The following DNAH7 variants were observed in gnomAD, a reference collection of about 807,000 sequenced individuals.
The protein encoded by DNAH7 is axonemal beta dynein heavy chain 7.
In DNAH7, 397 loss-of-function variants were observed where a neutral mutation model predicts 444.6. The ratio of observed to expected loss-of-function variants is 0.89; its 90% CI spans 0.82 to 0.97. DNAH7 has a LOEUF of 0.97. Among genes scored for constraint, DNAH7 ranks in the 50% least tolerant of loss-of-function variants. DNAH7 has a pLI of 0.00. For missense variants in DNAH7, 4,902 were observed against 4,800.8 expected, an observed-to-expected ratio of 1.02 and a Z score of -0.62; for synonymous variants, 1,636 against 1,624.4, an observed-to-expected ratio of 1.01 and a Z score of -0.17.
chr2:195,885,436 C>T (rs1230734118), intron 34 of DNAH7, among the ~76,000 whole-genome samples: 2 of 152,170 alleles, frequency 1.3e-5, no homozygotes. Flanking sequence ...GGACTATGCT[C>T]ATAAAAGTTC....
intron 47 of DNAH7, among the ~76,000 whole-genome samples, chr2:195,834,766 C>G (rs1270669014): frequency 6.6e-6 from 1 of 152,196 alleles, no homozygotes; most frequent in Non-Finnish European, 1.5e-5. Flanking sequence ...AGTCACTTTG[C>G]TTCCTTAGTT....
At chr2:195,751,948 G>A (rs1178015724) in intron 63 of DNAH7, among the ~76,000 whole-genome samples, 1 of 152,124 alleles carries the variant, frequency 6.6e-6, no homozygotes, top group Non-Finnish European at 1.5e-5. Flanking sequence ...AGGGAGACAG[G>A]ATAAAGGCTA....
intron 63 of DNAH7, among the ~76,000 whole-genome samples, chr2:195,741,316 G>A (rs842733): frequency 0.99 from 150,539 of 152,336 alleles, 74,412 homozygotes; most frequent in East Asian, 1. Context: ...TGTCGTAAGA[G>A]TTAAATTGCT....
chr2:196,022,741 A>G (rs892291282), intron 8 of DNAH7, among the ~76,000 whole-genome samples: 1 of 152,152 alleles, frequency 6.6e-6, no homozygotes, highest in Non-Finnish European at 1.5e-5. Flanking sequence ...GCTCATGTTG[A>G]TATTTTTACC....
chr2:195,976,784 A>AGG (rs1553594003), intron 15 of DNAH7, among the ~76,000 whole-genome samples: 1 of 146,028 alleles, frequency 6.8e-6, no homozygotes, highest in Non-Finnish European at 1.5e-5. Context: ...AGAGAGAGAG[A>AGG]GAGACTCTCT....
At chr2:195,971,890 T>C (rs10198514) in intron 16 of DNAH7, among the ~76,000 whole-genome samples, 5,321 of 152,192 alleles carry the variant, frequency 0.035, 308 homozygotes, top group African/African-American at 0.12. Flanking sequence ...AGCTTTGATA[T>C]TCAAACAAGT....
chr2:196,031,957 C>T (rs758263205), intron 5 of DNAH7, among the ~76,000 whole-genome samples: 19 of 152,178 alleles, frequency 1.2e-4, no homozygotes, highest in Non-Finnish European at 2.6e-4. Flanking sequence ...TCAGCAACAC[C>T]CCACTATACT....
chr2:195,810,797 G>C (rs1439483747), intron 51 of DNAH7, among the ~76,000 whole-genome samples: 1 of 152,160 alleles, frequency 6.6e-6, no homozygotes, highest in Non-Finnish European at 1.5e-5. Flanking sequence ...CTAAAATACA[G>C]TTGAATTCTT....
At chr2:195,852,413 G>A (rs1382506178) in intron 46 of DNAH7, among the ~76,000 whole-genome samples, 1 of 152,112 alleles carries the variant, frequency 6.6e-6, no homozygotes, top group African/African-American at 2.4e-5. Context: ...GATGTAACAT[G>A]TACTCTTTCT....
intron 36 of DNAH7, among the ~76,000 whole-genome samples, chr2:195,881,181 A>G (rs545440036): frequency 5.5e-4 from 84 of 152,312 alleles, no homozygotes; most frequent in African/African-American, 1.9e-3. Context: ...TATACTGCCA[A>G]ATACATTTCA....
intron 63 of DNAH7, among the ~76,000 whole-genome samples, chr2:195,750,182 A>C (rs918607683): frequency 1.3e-5 from 2 of 152,078 alleles, no homozygotes; most frequent in Non-Finnish European, 2.9e-5. Context: ...ATGATTTTGG[A>C]TTTTTAATAC....
chr2:195,872,451 T>G lies in DNAH7; in HGVS notation c.6432A>C (p.Glu2144Asp). 6.3e-7 allele frequency: 1 copy of G among 1,589,922 alleles called. No homozygotes were observed. Among genetic ancestry groups the G allele is most frequent in the East Asian group, 2.3e-5 (1 of 44,302 alleles). The change falls in exon 40 of 65, where the codon GAA becomes GAC. Residue 2144 changes from glutamate (E) to aspartate (D), a missense_variant. By Grantham distance (45) the Glu-to-Asp change is conservative (BLOSUM62 2). Coordinates refer to ENST00000312428, the MANE Select transcript of DNAH7 (RefSeq NM_018897.3). ...CGATTTGTGTGGTCAAATCTAGAAA[T>G]TCATCTGGAAATTTATAACTTAAAA... ...HLEICYKFPD[E>D]FLDLTTQIVN... is the part of the protein sequence containing the mutation.
At chr2:195,854,880 T>A (rs1699601717) in intron 45 of DNAH7, among the ~76,000 whole-genome samples, 2 of 152,212 alleles carry the variant, frequency 1.3e-5, no homozygotes, top group African/African-American at 4.8e-5. Context: ...CATTCAAAAA[T>A]CATGCCATAA....
intron 17 of DNAH7, among the ~76,000 whole-genome samples, chr2:195,961,459 T>TTTCATTCTACTCTCTACTTCTATGA (rs1428837330): frequency 6.6e-6 from 1 of 152,220 alleles, no homozygotes. Context: ...TTTGATTTTT[T>TTTCATTCTACTCTCTACTTCTATGA]ATTAGATTCC....
intron 48 of DNAH7, among the ~76,000 whole-genome samples, chr2:195,825,271 G>A (rs1395833131): frequency 7.5e-5 from 11 of 146,444 alleles, no homozygotes; most frequent in African/African-American, 5.1e-5. Flanking sequence ...CATAAATAAG[G>A]AAAAAAAAAA....
chr2:195,825,572 CTG>C (rs1697704355), intron 48 of DNAH7, among the ~76,000 whole-genome samples: 1 of 151,988 alleles, frequency 6.6e-6, no homozygotes, highest in Non-Finnish European at 1.5e-5. Flanking sequence ...ATAACAAACA[CTG>C]TATTAAAAAA....
In DNAH7 at chr2:196,040,451, C is replaced by T. The variant is rs373120967; in HGVS notation, c.398+6901G>A. Among the ~76,000 whole-genome samples, 117 of 152,238 alleles carry T rather than the reference C, an allele frequency of 7.7e-4. 2 individuals carry two copies. In the South Asian group the frequency reaches 0.021, roughly 27 times the overall value. ...ATAAATCAATATATGTGATACACCA[C>T]ATCAACCAAAGAAAGAGAAACCATA... On this transcript the variant is annotated intron_variant, in intron 5 of 64. Transcript: ENST00000312428.
intron 18 of DNAH7, among the ~76,000 whole-genome samples, chr2:195,957,940 G>A (rs78420840): frequency 0.011 from 1,690 of 152,118 alleles, 34 homozygotes; most frequent in East Asian, 0.071. Context: ...AGGGTACTCT[G>A]AGCTTCTGAG....
Position 196,035,814 on chromosome 2 carries a change from G to C in DNAH7, c.399-7767C>G, listed in dbSNP as rs1033612658. ...TCCACCCAAGAAACCTGCAGTCCTA[G>C]ATACAGAAAAGCCTGTTGGCTCTCA... On this transcript the variant is annotated intron_variant, in intron 5 of 64. Coordinates refer to ENST00000312428, the MANE Select transcript of DNAH7 (RefSeq NM_018897.3). Among the ~76,000 whole-genome samples the C allele has an allele frequency of 3.6e-5, 4 of 109,850 alleles. 1 individual carries two copies. Among genetic ancestry groups the C allele is most frequent in the African/African-American group, 1.0e-4 (4 of 39,524 alleles). 72.1% of individuals were successfully genotyped at this position (109,850 alleles called of 152,430 possible).
Sources: allele counts gnomAD v4.1 joint callset (sites outside exome capture counted in the v4.1 genomes callset), GRCh38; gene constraint gnomAD v4.1.1; transcripts MANE v1.5; gene names NCBI Gene and HGNC (gene_info 2026-07-23, HGNC 2026-07-21).